AFAP1L2: variants seen among roughly 807,000 people sequenced by gnomAD.
AFAP1L2 encodes actin filament associated protein 1 like 2.
AFAP1L2 carries 46 observed loss-of-function variants against 99.3 expected under a neutral mutation model. The ratio of observed to expected loss-of-function variants is 0.46; its 90% CI spans 0.37 to 0.59. AFAP1L2 has a LOEUF of 0.59. Ranked by LOEUF, AFAP1L2 falls within the 20% of genes least tolerant of loss-of-function variation. AFAP1L2 has a pLI of 0.00. For synonymous variants in AFAP1L2, 397 were observed against 419.1 expected (o/e 0.95, Z 0.64); for missense variants, 959 against 1,034.9 (o/e 0.93, Z 1.01).
the AFAP1L2 span, chr10:114,289,242 G>C: frequency 1.9e-6 from 3 of 1,614,096 alleles, no homozygotes; most frequent in Non-Finnish European, 2.5e-6. Context: ...TGACCGTCCA[G>C]AGGGGTGCCC....
At chr10:114,358,313 C>G (rs1386973190) in intron 1 of AFAP1L2, among the ~76,000 whole-genome samples, 1 of 152,034 alleles carries the variant, frequency 6.6e-6, no homozygotes, top group Non-Finnish European at 1.5e-5. Context: ...AGTCTACAAC[C>G]CAAACAAGGG....
At chr10:114,290,506 T>A, downstream of AFAP1L2, 1 of 1,181,536 alleles carries the variant, frequency 8.5e-7, no homozygotes, top group Non-Finnish European at 1.2e-6. Context: ...CACGAAACAT[T>A]TAGTGAGTAC....
intron 3 of AFAP1L2, 99 bp from the exon 4 acceptor site, chr10:114,331,996 C>A (rs2047309493): frequency 2.6e-6 from 2 of 775,864 alleles, no homozygotes; most frequent in East Asian, 3.4e-5. Flanking sequence ...CCTGTGAGTT[C>A]TTTTTGAGCA....
At chr10:114,360,958 T>C (rs2052315247) in intron 1 of AFAP1L2, among the ~76,000 whole-genome samples, 2 of 152,178 alleles carry the variant, frequency 1.3e-5, no homozygotes, top group South Asian at 2.1e-4. Context: ...TACCTGAGAC[T>C]AGGCAATTTA....
At chr10:114,286,613 G>GA in the AFAP1L2 span, 7 of 1,021,740 alleles carry the variant, frequency 6.9e-6, no homozygotes, top group Non-Finnish European at 9.7e-6. Flanking sequence ...CCTCTTCTAG[G>GA]GGCTGAAACC....
rs1590321421 is a variant in AFAP1L2, at chr10:114,340,531, G to A, written c.145+72C>T. ...CACCCAGCCTGTGATCCTTAGCTATGGCAGCCCGCACTGACTCACAACCAT... is the reference window on the plus strand; with the variant it reads ...CACCCAGCCTGTGATCCTTAGCTATAGCAGCCCGCACTGACTCACAACCAT... On this transcript the variant is annotated intron_variant, in intron 2 of 18. Coordinates refer to ENST00000304129, the MANE Select transcript of AFAP1L2 (RefSeq NM_001001936.3). 2.6e-6 allele frequency: 4 copies of A among 1,521,062 alleles called. No homozygotes were observed. The African/African-American group carries it at 4.2e-5, about 16-fold the overall frequency. The allele number at this position is 1,521,062 out of a possible 1,614,324, so 94.2% of individuals were successfully genotyped here. A position where few individuals can be genotyped will look rare whatever the true frequency, so the allele number is the denominator to read the frequency against.
At chr10:114,310,485 T>C in intron 7 of AFAP1L2, 42 bp from the exon 8 acceptor site, 2 of 1,575,316 alleles carry the variant, frequency 1.3e-6, no homozygotes, top group Non-Finnish European at 1.7e-6. Flanking sequence ...TGAGGTCCTC[T>C]GGCCAGCACT....
intron 2 of AFAP1L2, among the ~76,000 whole-genome samples, chr10:114,336,902 C>CA (rs35920070): frequency 6.6e-6 from 1 of 152,198 alleles, no homozygotes; most frequent in East Asian, 1.9e-4. Flanking sequence ...TCAGAAAACT[C>CA]AAAGAGGCAA....
In AFAP1L2 at chr10:114,331,914, G is replaced by T; in HGVS notation, c.221-17C>A. The stretch of plus-strand genomic sequence containing the variant: ...CCTCAGGCGCTGCGGGCAGCAAAAG[G>T]AAAAGGCTTCGGTGAGGGGTGACCA... On this transcript the variant is annotated splice_polypyrimidine_tract_variant and intron_variant, in intron 3 of 18. Coordinates refer to ENST00000304129, the MANE Select transcript of AFAP1L2 (RefSeq NM_001001936.3). The T allele has an allele frequency of 7.8e-7, 1 of 1,288,890 alleles. No individual in the cohort carries two copies. The highest frequency in any genetic ancestry group is 2.8e-5 in the South Asian group (1 of 36,246). The allele number at this position is 1,288,890 out of a possible 1,614,324, so 79.8% of individuals were successfully genotyped here. A position where few individuals can be genotyped will look rare whatever the true frequency, so the allele number is the denominator to read the frequency against.
At chr10:114,282,140 A>G in the AFAP1L2 span, among the ~76,000 whole-genome samples, 1 of 151,844 alleles carries the variant, frequency 6.6e-6, no homozygotes, top group African/African-American at 2.4e-5. Context: ...CTAAGCTGGG[A>G]TTACAGGCAC....
rs544255760 is a variant in AFAP1L2 at position 114,373,652 on chromosome 10, A to C, written c.16+30788T>G. The stretch of plus-strand genomic sequence containing the variant: ...ACACCACCACCAACGACAAAAAAAA[A>C]CAACAACAAAACAAAACAAAAAATT... On this transcript the variant is annotated intron_variant, in intron 1 of 18. Coordinates refer to ENST00000304129, the MANE Select transcript of AFAP1L2 (RefSeq NM_001001936.3). 2.0e-5 allele frequency among the ~76,000 whole-genome samples: 3 copies of C among 152,172 alleles called. No individual in the cohort carries two copies. In the East Asian group the frequency reaches 5.8e-4, roughly 29 times the overall value.
rs1203977707 is a variant in AFAP1L2, at chr10:114,377,239, G to A, written c.16+27201C>T. On this transcript the variant is annotated intron_variant, in intron 1 of 18. Transcript: ENST00000304129. This position sits in a 1 kb window ranked among gnomAD's most constrained non-coding sequence, Gnocchi z 4.0. ...GCACACAAACAGTTATCACACAAGT[G>A]TAGCAGAAGGAATGTTTTACCAGAG... Among the ~76,000 whole-genome samples the A allele has an allele frequency of 2.0e-5, 3 of 152,224 alleles. No homozygotes were observed. Among genetic ancestry groups the A allele is most frequent in the Non-Finnish European group, 4.4e-5 (3 of 68,044 alleles).
intron 1 of AFAP1L2, among the ~76,000 whole-genome samples, chr10:114,397,129 A>T (rs1342878643): frequency 1.3e-5 from 2 of 152,160 alleles, no homozygotes; most frequent in Admixed American, 1.3e-4. Flanking sequence ...ACAGAAAAAA[A>T]AAAAGCCCTT....
At chr10:114,285,656 G>T in the AFAP1L2 span, among the ~76,000 whole-genome samples, 1 of 152,214 alleles carries the variant, frequency 6.6e-6, no homozygotes, top group African/African-American at 2.4e-5. Context: ...GGCAGACAAA[G>T]ATTTCTCAGG....
At chr10:114,284,907 CCAGAA>C in the AFAP1L2 span, 13 of 1,606,218 alleles carry the variant, frequency 8.1e-6, no homozygotes, top group Non-Finnish European at 1.1e-5. Context: ...CACATGTGTT[CCAGAA>C]GGACTGGACG....
intron 1 of AFAP1L2, among the ~76,000 whole-genome samples, chr10:114,349,880 G>A (rs1323998487): frequency 6.6e-6 from 1 of 152,120 alleles, no homozygotes; most frequent in African/African-American, 2.4e-5. Flanking sequence ...GGCCTGCAAG[G>A]GTCATCTTGC....
chr10:114,388,280 C>T (rs1158197623), intron 1 of AFAP1L2, among the ~76,000 whole-genome samples: 2 of 151,620 alleles, frequency 1.3e-5, no homozygotes, highest in African/African-American at 4.9e-5. Flanking sequence ...CCTCTCAGCC[C>T]TCATGAACAC....
chr10:114,285,225 T>C, the AFAP1L2 span, among the ~76,000 whole-genome samples: 1 of 152,134 alleles, frequency 6.6e-6, no homozygotes, highest in South Asian at 2.1e-4. Context: ...TGCTTGAAGT[T>C]TGAGTGCTGC....
At position 114,296,976 on chromosome 10, in the gene AFAP1L2, AC is replaced by A; in HGVS notation, c.2430+1del. 1.2e-6 allele frequency: 2 copies of A among 1,614,120 alleles called. No homozygotes were observed. Among genetic ancestry groups the A allele is most frequent in the Non-Finnish European group, 1.7e-6 (2 of 1,180,022 alleles). ...CAAGGGAGGCTGGGAGTGACTGCTT[AC>A]CTTGGCTTTCTGGAGTACAGTGCCT... On this transcript the variant is annotated splice_donor_variant, in intron 18 of 18. Coordinates refer to ENST00000304129, the MANE Select transcript of AFAP1L2 (RefSeq NM_001001936.3). LOFTEE classifies it high-confidence loss of function.
Sources: gnomAD v4.1 joint callset for allele counts (sites outside exome capture counted in the v4.1 genomes callset) on GRCh38, gnomAD v4.1.1 for gene constraint, Gnocchi (gnomAD v3.1) non-coding constraint, MANE v1.5 for transcripts, NCBI Gene and HGNC (gene_info 2026-07-23, HGNC 2026-07-21) for gene names.